Variants in DCUN1D4 observed in about 807,000 individuals in gnomAD.
DCUN1D4 encodes the protein defective in cullin neddylation 1 domain containing 4, also known as DCN1-like protein 4.
DCUN1D4 carries 22 observed loss-of-function variants against 47.9 expected under a neutral mutation model. The ratio of observed to expected loss-of-function variants is 0.46; its 90% CI spans 0.33 to 0.66. The LOEUF is 0.66. DCUN1D4 is among the 30% of genes least tolerant of loss of function. The pLI, the probability that DCUN1D4 is intolerant of heterozygous loss-of-function variation, is 0.02. For synonymous variants in DCUN1D4, 121 were observed against 112.2 expected, an observed-to-expected ratio of 1.08 and a Z score of -0.50; for missense variants, 301 against 340.8, an observed-to-expected ratio of 0.88 and a Z score of 0.92.
chr4:51,849,892 T>C (rs1167440559), intron 1 of DCUN1D4, among the ~76,000 whole-genome samples: 1 of 152,072 alleles, frequency 6.6e-6, no homozygotes, highest in Non-Finnish European at 1.5e-5. Flanking sequence ...TTATTTTGTT[T>C]AGCCAAAAAT....
intron 8 of DCUN1D4, among the ~76,000 whole-genome samples, chr4:51,900,303 T>C (rs1170340609): frequency 6.6e-6 from 1 of 152,226 alleles, no homozygotes; most frequent in African/African-American, 2.4e-5. Context: ...TGTGGTGCCC[T>C]CATTCATGCA....
chr4:51,844,992 G>T (rs1346879721), intron 1 of DCUN1D4: 19 of 985,298 alleles, frequency 1.9e-5, no homozygotes, highest in Non-Finnish European at 2.3e-5. Context: ...GAGAGGGAGA[G>T]CCCACGCCAG....
chr4:51,852,559 G>A (rs1361582143), intron 1 of DCUN1D4, among the ~76,000 whole-genome samples: 1 of 152,170 alleles, frequency 6.6e-6, no homozygotes, highest in Non-Finnish European at 1.5e-5. Context: ...TAGTGAATTA[G>A]TAGTTTTAAA....
chr4:51,899,172 T>C, intron 7 of DCUN1D4, 98 bp from the exon 8 acceptor site: 1 of 1,407,638 alleles, frequency 7.1e-7, no homozygotes, highest in Non-Finnish European at 9.2e-7. Flanking sequence ...CTTCAGGGAT[T>C]TGTTCTTTCC....
chr4:51,842,874 G>T (rs965699689), upstream of DCUN1D4: 31 of 295,948 alleles, frequency 1.0e-4, no homozygotes, highest in Non-Finnish European at 1.7e-4. Context: ...TCCCAGCTTC[G>T]CCCCTACACG....
At chr4:51,838,646 G>T (rs1288448950), upstream of DCUN1D4, among the ~76,000 whole-genome samples, 1 of 152,174 alleles carries the variant, frequency 6.6e-6, no homozygotes, top group Admixed American at 6.5e-5. Context: ...GCCTCCGAAA[G>T]TGCTGGGGTT....
intron 1 of DCUN1D4, chr4:51,843,561 G>A (rs1721936719): frequency 7.8e-7 from 1 of 1,276,160 alleles, no homozygotes; most frequent in Admixed American, 4.3e-5. Flanking sequence ...GCGATGAAGG[G>A]CCGAGATCGG....
At chr4:51,862,659 A>T (rs1469275686) in intron 1 of DCUN1D4, among the ~76,000 whole-genome samples, 5 of 152,154 alleles carry the variant, frequency 3.3e-5, no homozygotes, top group Admixed American at 2.0e-4. Flanking sequence ...ATATGAAATT[A>T]TTAATAAACT....
At chr4:51,839,797 T>C (rs1422240730), upstream of DCUN1D4, among the ~76,000 whole-genome samples, 1 of 152,202 alleles carries the variant, frequency 6.6e-6, no homozygotes, top group Non-Finnish European at 1.5e-5. Flanking sequence ...TCAAGAACTA[T>C]GCTATTCTTC....
At chr4:51,908,019 G>A (rs1423304892) in intron 8 of DCUN1D4, among the ~76,000 whole-genome samples, 1 of 152,146 alleles carries the variant, frequency 6.6e-6, no homozygotes, top group Non-Finnish European at 1.5e-5. Flanking sequence ...AAATTTCACT[G>A]TTCTCTACAC....
chr4:51,882,048 T>C (rs1195659928), intron 5 of DCUN1D4, among the ~76,000 whole-genome samples: 1 of 152,164 alleles, frequency 6.6e-6, no homozygotes, highest in Non-Finnish European at 1.5e-5. Context: ...ATTTCAATAA[T>C]GTTGATTGGC....
intron 3 of DCUN1D4, among the ~76,000 whole-genome samples, chr4:51,866,366 A>C (rs919397266): frequency 1.3e-5 from 2 of 151,800 alleles, no homozygotes; most frequent in South Asian, 2.1e-4. Context: ...TCTGTTTGTT[A>C]ACCAAATTAT....
At chr4:51,858,886 GTA>G (rs1724563216) in intron 1 of DCUN1D4, among the ~76,000 whole-genome samples, 1 of 152,200 alleles carries the variant, frequency 6.6e-6, no homozygotes, top group Non-Finnish European at 1.5e-5. Flanking sequence ...AACAGAGACT[GTA>G]TGGGCCAGAA....
At chr4:51,844,846 G>T in intron 1 of DCUN1D4, 2 of 985,330 alleles carry the variant, frequency 2.0e-6, no homozygotes, top group Non-Finnish European at 2.4e-6. Context: ...GTGGAAACGG[G>T]TCCCGGCATG....
Position 51,913,829 on chromosome 4 carries a change from GATT to G in DCUN1D4, c.*248_*250del, listed in dbSNP as rs1292080911. 6 of 447,166 alleles carry G rather than the reference GATT, an allele frequency of 1.3e-5. No individual in the cohort carries two copies. In the East Asian group the frequency reaches 2.0e-4, roughly 15 times the overall value. The allele number at this position is 447,166 out of a possible 1,614,324, so 27.7% of individuals were successfully genotyped here. The stretch of plus-strand genomic sequence containing the variant: ...GTGAATTTGCCAACGTCCTCACTGT[GATT>G]ATGTGTATATTGCTGTTTAAATTTT... On this transcript the variant is annotated 3_prime_UTR_variant, in exon 11 of 11. Transcript: ENST00000334635.
intron 7 of DCUN1D4, among the ~76,000 whole-genome samples, chr4:51,896,407 A>C (rs1374945533): frequency 6.6e-6 from 1 of 152,158 alleles, no homozygotes; most frequent in Non-Finnish European, 1.5e-5. Flanking sequence ...CTGTTAAAAC[A>C]AACAACCGCT....
chr4:51,850,106 A>G (rs569553188), intron 1 of DCUN1D4, among the ~76,000 whole-genome samples: 41 of 152,112 alleles, frequency 2.7e-4, no homozygotes, highest in South Asian at 8.3e-4. Context: ...CTTTTAACAT[A>G]TGTTACCTTA....
At chr4:51,844,285 G>T (rs1722128988) in intron 1 of DCUN1D4, 5 of 970,352 alleles carry the variant, frequency 5.2e-6, no homozygotes, top group African/African-American at 1.8e-5. Flanking sequence ...TTGAAGGGGG[G>T]AGTCCAAGCT....
At chr4:51,890,233 C>T (rs1441789153) in intron 6 of DCUN1D4, among the ~76,000 whole-genome samples, 2 of 152,064 alleles carry the variant, frequency 1.3e-5, no homozygotes, top group Non-Finnish European at 2.9e-5. Flanking sequence ...CTCGGAGGCT[C>T]AGAAATCATT....
Sources: gnomAD v4.1 joint callset for allele counts (sites outside exome capture counted in the v4.1 genomes callset) on GRCh38, gnomAD v4.1.1 for gene constraint, MANE v1.5 for transcripts, NCBI Gene and HGNC (gene_info 2026-07-23, HGNC 2026-07-21) for gene names.